The following CSTPP1 variants were observed in gnomAD, a reference collection of about 807,000 sequenced individuals.
CSTPP1 encodes centriolar satellite-associated tubulin polyglutamylase complex regulator 1, also known as UPF0705 protein C11orf49.
At chr11:46,954,498 G>A in the CSTPP1 span, among the ~76,000 whole-genome samples, 5 of 151,896 alleles carry the variant, frequency 3.3e-5, no homozygotes, top group African/African-American at 4.8e-5. Context: ...GCAGTGAGCC[G>A]AGATCGTACC....
the CSTPP1 span, among the ~76,000 whole-genome samples, chr11:46,993,553 T>A: frequency 6.6e-6 from 1 of 152,120 alleles, no homozygotes; most frequent in African/African-American, 2.4e-5. Context: ...CCATTTCTTG[T>A]TTTTGTCAGG....
the CSTPP1 span, among the ~76,000 whole-genome samples, chr11:47,158,328 C>G: frequency 7.1e-6 from 1 of 141,272 alleles, no homozygotes; most frequent in East Asian, 2.6e-4. Context: ...TCTGCGGAGA[C>G]CTTTTTTCCA....
the CSTPP1 span, among the ~76,000 whole-genome samples, chr11:47,149,081 C>G: frequency 2.6e-5 from 4 of 152,184 alleles, no homozygotes; most frequent in African/African-American, 4.8e-5. Flanking sequence ...GAGAAAGTGG[C>G]CAGTCTCTCA....
the CSTPP1 span, among the ~76,000 whole-genome samples, chr11:47,095,045 C>T: frequency 6.6e-6 from 1 of 152,136 alleles, no homozygotes; most frequent in Non-Finnish European, 1.5e-5. Flanking sequence ...TTCTTTTCAG[C>T]TCATCACTCT....
At chr11:46,993,918 G>A in the CSTPP1 span, among the ~76,000 whole-genome samples, 1 of 152,120 alleles carries the variant, frequency 6.6e-6, no homozygotes, top group Non-Finnish European at 1.5e-5. Flanking sequence ...AGCATGGAAT[G>A]TTCTTCCTTT....
chr11:47,160,722 G>T, the CSTPP1 span: 1 of 162,008 alleles, frequency 6.2e-6, no homozygotes, highest in East Asian at 1.8e-4. Context: ...CCAAAGTGGG[G>T]TCATCCTGAT....
At chr11:47,056,034 T>C in the CSTPP1 span, among the ~76,000 whole-genome samples, 1 of 152,234 alleles carries the variant, frequency 6.6e-6, no homozygotes, top group Non-Finnish European at 1.5e-5. Flanking sequence ...ATATTTGTTT[T>C]AGACCACCTA....
chr11:47,003,044 T>C, the CSTPP1 span, among the ~76,000 whole-genome samples: 1 of 152,142 alleles, frequency 6.6e-6, no homozygotes, highest in Non-Finnish European at 1.5e-5. Flanking sequence ...GATTATAGGC[T>C]CACACCTATA....
At chr11:47,118,382 C>T in the CSTPP1 span, among the ~76,000 whole-genome samples, 1 of 152,148 alleles carries the variant, frequency 6.6e-6, no homozygotes, top group South Asian at 2.1e-4. Flanking sequence ...AGCTTCCTTG[C>T]GATGGGTTCG....
chr11:47,075,217 C>A, the CSTPP1 span, among the ~76,000 whole-genome samples: 1 of 151,854 alleles, frequency 6.6e-6, no homozygotes, highest in Non-Finnish European at 1.5e-5. Flanking sequence ...ACTAAAACTA[C>A]AAAAATTAGC....
chr11:46,952,498 T>A, the CSTPP1 span, among the ~76,000 whole-genome samples: 1 of 152,222 alleles, frequency 6.6e-6, no homozygotes, highest in East Asian at 1.9e-4. Context: ...ATACCTAGTA[T>A]ATGCGGTGGA....
chr11:47,115,999 G>A, the CSTPP1 span, among the ~76,000 whole-genome samples: 3 of 152,214 alleles, frequency 2.0e-5, no homozygotes, highest in Non-Finnish European at 4.4e-5. Context: ...ATGTGTCAGA[G>A]ATTCTGGTAC....
the CSTPP1 span, among the ~76,000 whole-genome samples, chr11:47,129,249 C>G: frequency 8.6e-4 from 131 of 152,242 alleles, 1 homozygote; most frequent in African/African-American, 2.9e-3. Flanking sequence ...TGCATGAGCA[C>G]GTGAGTGGTG....
the CSTPP1 span, among the ~76,000 whole-genome samples, chr11:47,121,639 A>G: frequency 9.9e-5 from 15 of 152,152 alleles, no homozygotes; most frequent in African/African-American, 3.6e-4. Context: ...CCTAAGTGTA[A>G]GTAGCTTGTT....
At chr11:47,105,150 G>A in the CSTPP1 span, among the ~76,000 whole-genome samples, 1 of 152,168 alleles carries the variant, frequency 6.6e-6, no homozygotes, top group African/African-American at 2.4e-5. Flanking sequence ...TGTAGCTCAT[G>A]TGCCTGCCAG....
the CSTPP1 span, among the ~76,000 whole-genome samples, chr11:46,980,061 AAAAC>A: frequency 2.2e-4 from 33 of 152,148 alleles, no homozygotes; most frequent in African/African-American, 6.8e-4. Context: ...AACTATATAT[AAAAC>A]AAACAAACAA....
the CSTPP1 span, among the ~76,000 whole-genome samples, chr11:47,088,136 G>A: frequency 1.3e-5 from 2 of 152,176 alleles, no homozygotes; most frequent in Admixed American, 6.5e-5. Flanking sequence ...CATTAGAAGC[G>A]TGTTGCTAAG....
chr11:47,070,226 A>C, the CSTPP1 span, among the ~76,000 whole-genome samples: 1 of 152,160 alleles, frequency 6.6e-6, no homozygotes, highest in African/African-American at 2.4e-5. Flanking sequence ...ACAGAGTGAG[A>C]CACCATCTCA....
chr11:46,972,741 G>T, the CSTPP1 span, among the ~76,000 whole-genome samples: 1 of 152,068 alleles, frequency 6.6e-6, no homozygotes, highest in Non-Finnish European at 1.5e-5. Context: ...TTCTAAACCT[G>T]AACAGAATGT....
Sources: allele counts gnomAD v4.1 joint callset (sites outside exome capture counted in the v4.1 genomes callset), GRCh38; gene constraint gnomAD v4.1.1; transcripts MANE v1.5; gene names NCBI Gene and HGNC (gene_info 2026-07-23, HGNC 2026-07-21).